Variants in RARB observed in about 807,000 individuals in gnomAD.
The protein encoded by RARB is HBV-activated protein.
In RARB, 17 loss-of-function variants were observed where a neutral mutation model predicts 51.9. The ratio of observed to expected loss-of-function variants is 0.33; its 90% CI spans 0.22 to 0.49. RARB has a LOEUF of 0.49. RARB is among the 20% of genes least tolerant of loss of function. RARB has a pLI of 0.99. For synonymous variants in RARB, 215 were observed against 195.4 expected (o/e 1.10, Z -0.84); for missense variants, 369 against 550.8 (o/e 0.67, Z 3.30).
At chr3:25,288,124 A>G (rs1201994942) in intron 5 of RARB, among the ~76,000 whole-genome samples, 1 of 152,178 alleles carries the variant, frequency 6.6e-6, no homozygotes, top group East Asian at 1.9e-4. Flanking sequence ...ATATTGTCAA[A>G]GAAATTCAAG....
intron 2 of RARB, among the ~76,000 whole-genome samples, chr3:24,974,943 G>A (rs1696479818): frequency 6.6e-6 from 1 of 152,186 alleles, no homozygotes; most frequent in Non-Finnish European, 1.5e-5. Flanking sequence ...TTAGCTTTTA[G>A]AGCCACACTG....
At position 25,461,314 on chromosome 3, in the gene RARB, T is replaced by A; in HGVS notation, c.279T>A (p.Tyr93Ter). 1 of 1,613,746 alleles carries A rather than the reference T, an allele frequency of 6.2e-7. No homozygotes were observed. Among genetic ancestry groups the A allele is most frequent in the Non-Finnish European group, 8.5e-7 (1 of 1,179,910 alleles). Reference protein sequence around the residue: ...VCQDKSSGYHYGVSACEGCKG... With the variant: ...VCQDKSSGYH Reference sequence around the variant, plus strand: ...AGGACAAATCATCAGGGTACCACTATGGGGTCAGCGCCTGTGAGGGATGTA... The same window carrying A: ...AGGACAAATCATCAGGGTACCACTAAGGGGTCAGCGCCTGTGAGGGATGTA... The change falls in exon 2 of 8, where the codon TAT becomes TAA. Residue 93 changes from tyrosine (Y) to a stop codon, truncating the protein, a stop_gained. Transcript: ENST00000330688. LOFTEE classifies it high-confidence loss of function.
intron 4 of RARB, among the ~76,000 whole-genome samples, chr3:25,167,239 A>C (rs1356730602): frequency 6.6e-6 from 1 of 152,238 alleles, no homozygotes; most frequent in East Asian, 1.9e-4. Flanking sequence ...TTTAAACTTA[A>C]TGAACATCCA....
intron 5 of RARB, among the ~76,000 whole-genome samples, chr3:25,415,713 CAGT>C (rs1707685244): frequency 6.6e-6 from 1 of 152,202 alleles, no homozygotes; most frequent in Non-Finnish European, 1.5e-5. Flanking sequence ...TGCCTTACAA[CAGT>C]AGATCATAGT....
At chr3:25,435,120 A>G (rs1708377761) in intron 1 of RARB, among the ~76,000 whole-genome samples, 1 of 152,200 alleles carries the variant, frequency 6.6e-6, no homozygotes, top group African/African-American at 2.4e-5. Context: ...TGTCTTAAAG[A>G]TAGCTTCTTA....
chr3:25,122,930 T>C (rs937847747), intron 3 of RARB, among the ~76,000 whole-genome samples: 5 of 152,196 alleles, frequency 3.3e-5, no homozygotes, highest in African/African-American at 9.6e-5. Flanking sequence ...CCTTGTCATC[T>C]TGACATTTAT....
chr3:25,078,786 C>T (rs1559458475), intron 3 of RARB, among the ~76,000 whole-genome samples: 1 of 152,122 alleles, frequency 6.6e-6, no homozygotes, highest in East Asian at 1.9e-4. Context: ...CCGTCTTGGC[C>T]TCCCAGAGTG....
intron 2 of RARB, among the ~76,000 whole-genome samples, chr3:24,881,632 C>CT (rs1359602928): frequency 6.6e-6 from 1 of 152,062 alleles, no homozygotes. Context: ...TGGCATTGAT[C>CT]TTTTTAAAAG....
intron 4 of RARB, among the ~76,000 whole-genome samples, chr3:25,577,442 A>C (rs1700985418): frequency 1.3e-5 from 2 of 152,214 alleles, no homozygotes; most frequent in South Asian, 4.1e-4. Flanking sequence ...GATGGTCTGC[A>C]AATTGAACTT....
chr3:25,563,578 T>A (rs1700359752), intron 3 of RARB, among the ~76,000 whole-genome samples: 1 of 152,212 alleles, frequency 6.6e-6, no homozygotes, highest in Non-Finnish European at 1.5e-5. Flanking sequence ...TTGAATTAAA[T>A]CCTTAGGTTG....
At chr3:25,489,263 T>C (rs922790394) in intron 2 of RARB, among the ~76,000 whole-genome samples, 1 of 152,246 alleles carries the variant, frequency 6.6e-6, no homozygotes, top group African/African-American at 2.4e-5. Flanking sequence ...ACTTTAATTT[T>C]AAGGATCAAG....
At chr3:24,956,993 T>G (rs1012210325) in intron 2 of RARB, among the ~76,000 whole-genome samples, 1 of 152,216 alleles carries the variant, frequency 6.6e-6, no homozygotes, top group Non-Finnish European at 1.5e-5. Flanking sequence ...TGTTCAGAAT[T>G]GAGGCAAAGG....
At chr3:25,211,800 A>G (rs556699933) in intron 5 of RARB, among the ~76,000 whole-genome samples, 1 of 152,350 alleles carries the variant, frequency 6.6e-6, no homozygotes, top group East Asian at 1.9e-4. Context: ...AAAAATTTAT[A>G]AAATAGGTGA....
At chr3:25,126,277 G>C (rs974078873) in intron 3 of RARB, among the ~76,000 whole-genome samples, 2 of 151,954 alleles carry the variant, frequency 1.3e-5, no homozygotes, top group African/African-American at 4.8e-5. Flanking sequence ...CCTGAAGCCT[G>C]GTAACCAGAT....
chr3:25,432,197 C>T (rs532586101), intron 1 of RARB, among the ~76,000 whole-genome samples: 1 of 151,940 alleles, frequency 6.6e-6, no homozygotes, highest in South Asian at 2.1e-4. Flanking sequence ...CAAAGTTTTC[C>T]TTCCTTGTAG....
chr3:25,576,130 G>C (rs1700917883), intron 4 of RARB, among the ~76,000 whole-genome samples: 1 of 152,082 alleles, frequency 6.6e-6, no homozygotes, highest in South Asian at 2.1e-4. Flanking sequence ...ACAGGGATGG[G>C]GCTGGGTGGG....
At chr3:24,895,767 T>C (rs1192150135) in intron 2 of RARB, among the ~76,000 whole-genome samples, 3 of 152,160 alleles carry the variant, frequency 2.0e-5, no homozygotes, top group Non-Finnish European at 4.4e-5. Flanking sequence ...TGTGCATTGC[T>C]GGTAGGAATA....
intron 1 of RARB, among the ~76,000 whole-genome samples, chr3:24,851,777 G>T (rs1234393677): frequency 6.6e-6 from 1 of 152,144 alleles, no homozygotes; most frequent in Non-Finnish European, 1.5e-5. Context: ...GTTAAATCCT[G>T]AGTCAAAACT....
intron 5 of RARB, among the ~76,000 whole-genome samples, chr3:25,178,491 T>C (rs1700800025): frequency 6.6e-6 from 1 of 152,028 alleles, no homozygotes. Context: ...AGAGCTTACA[T>C]AACCAGTTAA....
Sources: allele counts gnomAD v4.1 joint callset (sites outside exome capture counted in the v4.1 genomes callset), GRCh38; gene constraint gnomAD v4.1.1; transcripts MANE v1.5; gene names NCBI Gene and HGNC (gene_info 2026-07-23, HGNC 2026-07-21).